Variants in STXBP3 observed in about 807,000 individuals in gnomAD.
STXBP3 encodes the protein syntaxin binding protein 3.
Under a neutral mutation model 85.7 loss-of-function variants are expected in STXBP3, and 41 were observed. That is an observed-to-expected ratio of 0.48 (90% confidence interval 0.37 to 0.62). The LOEUF is 0.62. Among genes scored for constraint, STXBP3 ranks in the 20% least tolerant of loss-of-function variants. The probability of loss-of-function intolerance (pLI) is 0.00; values close to 1 mark genes in which losing one functional copy is unlikely to be tolerated. For missense variants in STXBP3, 563 were observed against 703.1 expected (o/e 0.80, Z 2.25); for synonymous variants, 229 against 231.7 (o/e 0.99, Z 0.10).
rs901607391 is a variant in STXBP3, at chr1:108,779,666, T to G, written c.809+256T>G. On this transcript the variant is annotated intron_variant, in intron 9 of 18. Transcript: ENST00000370008. Reference sequence around the variant, plus strand: ...AACTGTGTGTACAGTAGAGCTACATTTAAACACAGGGAATTTGGCCCTTTT... The same window carrying G: ...AACTGTGTGTACAGTAGAGCTACATGTAAACACAGGGAATTTGGCCCTTTT... The G allele has an allele frequency of 1.9e-5, 5 of 267,900 alleles. No homozygotes were observed. The highest frequency in any genetic ancestry group is 1.1e-4 in the Admixed American group (2 of 18,646). The allele number at this position is 267,900 out of a possible 1,614,324, so 16.6% of individuals were successfully genotyped here.
chr1:108,808,657 A>T, intron 18 of STXBP3, 126 bp from the exon 19 acceptor site: 1 of 735,036 alleles, frequency 1.4e-6, no homozygotes, highest in Non-Finnish European at 2.4e-6. Context: ...AAGATGTCTT[A>T]CAGAAATTTT....
intron 4 of STXBP3, 64 bp from the exon 5 acceptor site, chr1:108,758,446 C>T: frequency 1.2e-6 from 1 of 822,100 alleles, no homozygotes; most frequent in South Asian, 2.3e-5. Flanking sequence ...TTAGTCATTT[C>T]AAAAGGTAAC....
At position 108,785,129 on chromosome 1, in the gene STXBP3, C is replaced by G. The variant is rs560485442; in HGVS notation, c.963+2423C>G. Among the ~76,000 whole-genome samples, 3 of 152,318 alleles carry G rather than the reference C, an allele frequency of 2.0e-5. No individual in the cohort carries two copies. The South Asian group carries it at 6.2e-4, about 32-fold the overall frequency. ...CTGGAGGATGGTGACCCGCTTCTCA[C>G]AGTTCACTAGGCAGTGCCCCAGTGG... is the stretch of plus-strand genomic sequence containing the variant. On this transcript the variant is annotated intron_variant, in intron 11 of 18. Transcript: ENST00000370008.
intron 17 of STXBP3, 140 bp from the exon 18 acceptor site, chr1:108,807,257 CAAAA>C (rs201346701): frequency 1.0e-3 from 711 of 698,492 alleles, no homozygotes; most frequent in East Asian, 4.5e-3. Context: ...GACTCCACCT[CAAAA>C]AAAAAAAAAA....
intron 11 of STXBP3, 120 bp from the exon 12 acceptor site, chr1:108,793,462 T>A (rs1663021520): frequency 2.5e-6 from 2 of 810,038 alleles, no homozygotes; most frequent in African/African-American, 3.6e-5. Flanking sequence ...TTCAAAAAAA[T>A]TGTCAAATAT....
At chr1:108,765,570 A>AT (rs35813823) in intron 6 of STXBP3, among the ~76,000 whole-genome samples, 23,766 of 66,936 alleles carry the variant, frequency 0.36, 4,450 homozygotes, top group East Asian at 0.78. Flanking sequence ...CCACATGCTA[A>AT]TTTTTTTTTT....
In STXBP3 at chr1:108,754,946, CT is replaced by C. The variant is rs551122502; in HGVS notation, c.182-1740del. On this transcript the variant is annotated intron_variant, in intron 3 of 18. Transcript: ENST00000370008. ...CTTCTAACTTAAACTCAAAACAGTC[CT>C]TTTGAGTTCCACATTAGCTCTCCTG... Among the ~76,000 whole-genome samples the C allele has an allele frequency of 1.1e-4, 16 of 152,150 alleles. No homozygotes were observed. In the East Asian group the frequency reaches 2.9e-3, roughly 28 times the overall value.
At chr1:108,796,761 G>A in intron 15 of STXBP3, 35 bp downstream of exon 15, 1 of 1,505,742 alleles carries the variant, frequency 6.6e-7, no homozygotes, top group Non-Finnish European at 9.1e-7. Context: ...TACTTTATAT[G>A]TATGTGTATG....
intron 17 of STXBP3, among the ~76,000 whole-genome samples, chr1:108,806,240 A>G (rs1663329325): frequency 1.3e-5 from 2 of 152,180 alleles, no homozygotes; most frequent in African/African-American, 4.8e-5. Flanking sequence ...AAGGTTCTAT[A>G]TTGGCACTGT....
intron 6 of STXBP3, among the ~76,000 whole-genome samples, chr1:108,771,026 A>C (rs2990879): frequency 0.7 from 106,982 of 151,772 alleles, 38,692 homozygotes; most frequent in Non-Finnish European, 0.77. Context: ...CTAATGGGTT[A>C]AGGTTTATAA....
chr1:108,772,473 G>GTA (rs539223236), intron 6 of STXBP3, among the ~76,000 whole-genome samples, 192 bp from the exon 7 acceptor site: 6 of 137,324 alleles, frequency 4.4e-5, no homozygotes, highest in African/African-American at 1.4e-4. Flanking sequence ...ATATCTATCT[G>GTA]TATAATATAT....
intron 6 of STXBP3, among the ~76,000 whole-genome samples, chr1:108,769,629 T>TA (rs1662339967): frequency 6.6e-6 from 1 of 152,096 alleles, no homozygotes; most frequent in South Asian, 2.1e-4. Context: ...CATGTGGCAG[T>TA]AGTCTTAAAA....
chr1:108,756,919 G>A, intron 4 of STXBP3, 153 bp downstream of exon 4: 3 of 435,510 alleles, frequency 6.9e-6, no homozygotes, highest in Middle Eastern at 6.6e-4. Flanking sequence ...TGTGTTAGAA[G>A]ATTATTTGCA....
intron 11 of STXBP3, among the ~76,000 whole-genome samples, chr1:108,791,285 T>C (rs1486725405): frequency 6.6e-6 from 1 of 152,206 alleles, no homozygotes; most frequent in Non-Finnish European, 1.5e-5. Flanking sequence ...GTATCTTTGA[T>C]TTTTTAGCAA....
intron 5 of STXBP3, among the ~76,000 whole-genome samples, 176 bp from the exon 6 acceptor site, chr1:108,759,809 T>A (rs1417807101): frequency 1.3e-5 from 2 of 152,172 alleles, no homozygotes; most frequent in Non-Finnish European, 2.9e-5. Context: ...TTATAGTCCT[T>A]TTCAGTAGAA....
At chr1:108,779,143 C>T in intron 8 of STXBP3, 143 bp from the exon 9 acceptor site, 5 of 795,016 alleles carry the variant, frequency 6.3e-6, no homozygotes, top group South Asian at 5.7e-5. Context: ...GACAATTAAC[C>T]ATTTGTTTTG....
At chr1:108,801,053 C>T (rs1423341671) in intron 17 of STXBP3, among the ~76,000 whole-genome samples, 2 of 152,194 alleles carry the variant, frequency 1.3e-5, no homozygotes, top group African/African-American at 4.8e-5. Context: ...TGACATTGTC[C>T]TGTGAGTTAC....
intron 6 of STXBP3, among the ~76,000 whole-genome samples, chr1:108,771,466 TATG>T (rs1662404847): frequency 8.6e-6 from 1 of 116,386 alleles, no homozygotes; most frequent in African/African-American, 3.5e-5. Flanking sequence ...TATAAATATA[TATG>T]ATATATATCT....
intron 11 of STXBP3, among the ~76,000 whole-genome samples, chr1:108,785,106 G>A (rs1473251985): frequency 2.6e-5 from 4 of 152,146 alleles, no homozygotes; most frequent in Admixed American, 6.5e-5. Context: ...TCTGGGATCT[G>A]GAGGATGGTG....
Sources: gnomAD v4.1 joint callset for allele counts (sites outside exome capture counted in the v4.1 genomes callset) on GRCh38, gnomAD v4.1.1 for gene constraint, MANE v1.5 for transcripts, NCBI Gene and HGNC (gene_info 2026-07-23, HGNC 2026-07-21) for gene names.